Variants in KCNK18 observed in about 807,000 individuals in gnomAD.
KCNK18 encodes potassium two pore domain channel subfamily K member 18, also known as potassium channel subfamily K member 18.
Under a neutral mutation model 11.8 loss-of-function variants are expected in KCNK18, and 8 were observed. That is an observed-to-expected ratio of 0.68 (90% CI 0.40 to 1.22). KCNK18 has a LOEUF of 1.22. Among genes scored for constraint, KCNK18 ranks in the 50% most tolerant of loss-of-function variants. KCNK18 has a pLI of 0.01. For synonymous variants in KCNK18, 208 were observed against 185.8 expected, an observed-to-expected ratio of 1.12 and a Z score of -0.97; for missense variants, 442 against 465.4, an observed-to-expected ratio of 0.95 and a Z score of 0.46.
chr10:117,200,220 G>A (rs1554947835), intron 1 of KCNK18, among the ~76,000 whole-genome samples: 1 of 152,136 alleles, frequency 6.6e-6, no homozygotes, highest in Non-Finnish European at 1.5e-5. Context: ...TGGGACCACA[G>A]GTGTGTGCCA....
chr10:117,199,093 G>A (rs182838952), intron 1 of KCNK18, among the ~76,000 whole-genome samples: 57 of 152,316 alleles, frequency 3.7e-4, no homozygotes, highest in Admixed American at 8.5e-4. Context: ...CAAGGTGGGA[G>A]AATCATTTGA....
At position 117,209,985 on chromosome 10, in the gene KCNK18, A is replaced by C; in HGVS notation, c.841A>C (p.Ile281Leu). ...EVGQQVERLD[I>L]PLPIIALIVF... is the part of the protein sequence containing the mutation. ...TGGACAGCAGGTGGAGAGGTTGGACATCCCCCTCCCCATCATTGCCCTTAT... is the reference window on the plus strand; with the variant it reads ...TGGACAGCAGGTGGAGAGGTTGGACCTCCCCCTCCCCATCATTGCCCTTAT... Residue 281 changes from isoleucine (I) to leucine (L), a missense_variant, in exon 3 of 3, where the codon ATC becomes CTC. By Grantham distance (5) the Ile-to-Leu change is conservative. Coordinates refer to ENST00000334549, the MANE Select transcript of KCNK18 (RefSeq NM_181840.1). The C allele has an allele frequency of 6.2e-7, 1 of 1,613,792 alleles. No individual in the cohort carries two copies. Among genetic ancestry groups the C allele is most frequent in the Non-Finnish European group, 8.5e-7 (1 of 1,179,656 alleles).
At chr10:117,202,592 C>T (rs363357) in intron 2 of KCNK18, among the ~76,000 whole-genome samples, 19,138 of 152,154 alleles carry the variant, frequency 0.13, 1,519 homozygotes, top group East Asian at 0.24. Flanking sequence ...GAAAGGGCTG[C>T]TGTCTCTCTG....
chr10:117,201,774 G>A (rs1043945527), intron 2 of KCNK18, among the ~76,000 whole-genome samples: 6 of 152,268 alleles, frequency 3.9e-5, no homozygotes, highest in Non-Finnish European at 8.8e-5. Context: ...GGAGGGCAGA[G>A]AATGATCAGG....
chr10:117,202,126 C>T (rs1855020259), intron 2 of KCNK18, among the ~76,000 whole-genome samples: 1 of 152,208 alleles, frequency 6.6e-6, no homozygotes, highest in Admixed American at 6.5e-5. Context: ...GAGCAAGTGC[C>T]CATCCCTAGG....
At position 117,209,638 on chromosome 10, in the gene KCNK18, G is replaced by A. The variant is rs754933928; in HGVS notation, c.494G>A (p.Arg165Gln). Reference sequence around the variant, plus strand: ...ACCATCTTATCTACATCTTATAATCGGTTCCGAAAATTCCCTTTCTTTACC... The same window carrying A: ...ACCATCTTATCTACATCTTATAATCAGTTCCGAAAATTCCCTTTCTTTACC... ...LATILSTSYN[R>Q]FRKFPFFTRP... The change falls in exon 3 of 3, where the codon CGG becomes CAG. Residue 165 changes from arginine (R) to glutamine (Q), a missense_variant. Arg to Gln is a conservative substitution (Grantham distance 43, BLOSUM62 1). Transcript: ENST00000334549. The A allele has an allele frequency of 3.2e-5, 51 of 1,613,868 alleles. No individual in the cohort carries two copies. Among genetic ancestry groups the A allele is most frequent in the African/African-American group, 4.0e-5 (3 of 74,842 alleles).
intron 1 of KCNK18, among the ~76,000 whole-genome samples, chr10:117,200,128 G>T (rs922454504): frequency 1.3e-5 from 2 of 152,070 alleles, no homozygotes; most frequent in Admixed American, 6.5e-5. Flanking sequence ...CTCAGGCTGG[G>T]ATGCAGTGGC....
chr10:117,204,124 T>A (rs1021062903), intron 2 of KCNK18, among the ~76,000 whole-genome samples: 3 of 151,842 alleles, frequency 2.0e-5, no homozygotes, highest in African/African-American at 7.3e-5. Flanking sequence ...CAGCTGGGCG[T>A]GGTGACGTGC....
chr10:117,209,959 T>C lies in KCNK18; in HGVS notation c.815T>C (p.Val272Ala), dbSNP rs141547760. Reference sequence around the variant, plus strand: ...TCCATCATCAGCAACCTGGATGAAGTTGGACAGCAGGTGGAGAGGTTGGAC... The same window carrying C: ...TCCATCATCAGCAACCTGGATGAAGCTGGACAGCAGGTGGAGAGGTTGGAC... Reference protein sequence around the residue: ...SYSIISNLDEVGQQVERLDIP... With the variant: ...SYSIISNLDEAGQQVERLDIP... The change falls in exon 3 of 3, where the codon GTT becomes GCT. Residue 272 changes from valine to alanine, a missense_variant. Coordinates refer to ENST00000334549, the MANE Select transcript of KCNK18 (RefSeq NM_181840.1). 1.9e-5 allele frequency: 30 copies of C among 1,614,210 alleles called. No homozygotes were observed. The African/African-American group carries it at 3.6e-4, about 19-fold the overall frequency.
chr10:117,209,213 T>C (rs1027273337), intron 2 of KCNK18, among the ~76,000 whole-genome samples: 2 of 152,102 alleles, frequency 1.3e-5, no homozygotes, highest in South Asian at 2.1e-4. Flanking sequence ...AGGCAATCTG[T>C]TCACCCCAAA....
Position 117,201,167 on chromosome 10 carries a change from G to A in KCNK18, c.232G>A (p.Asp78Asn), listed in dbSNP as rs778162039. The stretch of plus-strand genomic sequence containing the variant: ...GTCATGTCTTTCTCCAGTGGTGGAA[G>A]ACAGAAAACAGGATCTCCAGGGGCA... ...ILNCSETVVEDRKQDLQGHLQ... is the reference protein window; with the variant it reads ...ILNCSETVVENRKQDLQGHLQ... The change falls in exon 2 of 3, where the codon GAC (aspartate) becomes AAC (asparagine). Residue 78 changes from aspartate (D) to asparagine (N), a missense_variant. Physicochemically the swap from Asp to Asn is conservative, Grantham distance 23 (BLOSUM62 1). Transcript: ENST00000334549. 1.2e-6 allele frequency: 2 copies of A among 1,614,212 alleles called. No individual in the cohort carries two copies. The highest frequency in any genetic ancestry group is 1.7e-5 in the Admixed American group (1 of 60,028).
chr10:117,198,385 C>A (rs1009248902), intron 1 of KCNK18, among the ~76,000 whole-genome samples: 1 of 151,956 alleles, frequency 6.6e-6, no homozygotes, highest in Non-Finnish European at 1.5e-5. Context: ...TCTCAGTCTG[C>A]GGGAGAGAAG....
intron 2 of KCNK18, among the ~76,000 whole-genome samples, chr10:117,207,851 C>A (rs1462463663): frequency 1.3e-5 from 2 of 152,208 alleles, no homozygotes; most frequent in Non-Finnish European, 2.9e-5. Context: ...CATAATTGGG[C>A]TGGGTTTTTC....
rs1183073727 is a variant in KCNK18, at chr10:117,201,156, C to T, written c.224-3C>T. 1.2e-6 allele frequency: 2 copies of T among 1,614,156 alleles called. No individual in the cohort carries two copies. The highest frequency in any genetic ancestry group is 1.7e-6 in the Non-Finnish European group (2 of 1,180,030). ...TCAAACTCTTGGTCATGTCTTTCTC[C>T]AGTGGTGGAAGACAGAAAACAGGAT... is the stretch of plus-strand genomic sequence containing the variant. On this transcript the variant is annotated splice_region_variant and splice_polypyrimidine_tract_variant and intron_variant, in intron 1 of 2. Transcript: ENST00000334549.
chr10:117,209,727 G>A lies in KCNK18; in HGVS notation c.583G>A (p.Ala195Thr), dbSNP rs777473803. The A allele has an allele frequency of 9.8e-5, 158 of 1,613,800 alleles. No homozygotes were observed. Among genetic ancestry groups the A allele is most frequent in the Non-Finnish European group, 1.2e-4 (138 of 1,179,994 alleles). The change falls in exon 3 of 3, where the codon GCA becomes ACA. Residue 195 changes from alanine to threonine, a missense_variant. Transcript: ENST00000334549. The part of the protein sequence containing the change: ...LFKKKPDPKP[A>T]DEAVPQIIIS... Reference sequence around the variant, plus strand: ...CAAGAAAAAACCGGACCCCAAGCCCGCAGATGAAGCTGTCCCTCAGATCAT... The same window carrying A: ...CAAGAAAAAACCGGACCCCAAGCCCACAGATGAAGCTGTCCCTCAGATCAT...
Position 117,200,942 on chromosome 10 carries a change from G to A in KCNK18, c.224-217G>A, listed in dbSNP as rs73387821. On this transcript the variant is annotated intron_variant, in intron 1 of 2. Coordinates refer to ENST00000334549, the MANE Select transcript of KCNK18 (RefSeq NM_181840.1). ...CTCTGTTAGGTGCTCTTCTCACAGG[G>A]CTAAGTGGCCTCCTTATCTCCATAG... 2.8e-3 allele frequency among the ~76,000 whole-genome samples: 424 copies of A among 152,350 alleles called. 2 individuals are homozygous for A. The highest frequency in any genetic ancestry group is 9.7e-3 in the African/African-American group (402 of 41,576).
chr10:117,203,566 G>A (rs1033329556), intron 2 of KCNK18, among the ~76,000 whole-genome samples: 2 of 152,196 alleles, frequency 1.3e-5, no homozygotes, highest in African/African-American at 4.8e-5. Flanking sequence ...TTGAGACAGA[G>A]TCTTGCTCTG....
chr10:117,201,478 G>A (rs1855013643), intron 2 of KCNK18, among the ~76,000 whole-genome samples, 191 bp downstream of exon 2: 1 of 152,148 alleles, frequency 6.6e-6, no homozygotes, highest in Non-Finnish European at 1.5e-5. Context: ...CACTGAAGAT[G>A]CACCAGGCCC....
chr10:117,209,713 C>T lies in KCNK18; in HGVS notation c.569C>T (p.Pro190Leu), dbSNP rs376977754. The T allele has an allele frequency of 2.6e-5, 42 of 1,614,004 alleles. No individual in the cohort carries two copies. The highest frequency in any genetic ancestry group is 2.9e-5 in the Non-Finnish European group (34 of 1,180,044). ...CCCAAATCTCTCTTCAAGAAAAAAC[C>T]GGACCCCAAGCCCGCAGATGAAGCT... Reference protein sequence around the residue: ...WCPKSLFKKKPDPKPADEAVP... With the variant: ...WCPKSLFKKKLDPKPADEAVP... The change falls in exon 3 of 3, where the codon CCG becomes CTG. Residue 190 changes from proline (P) to leucine (L), a missense_variant. Physicochemically the swap from Pro to Leu is moderately conservative, Grantham distance 98 (BLOSUM62 -3). Transcript: ENST00000334549.
Sources: gnomAD v4.1 joint callset for allele counts (sites outside exome capture counted in the v4.1 genomes callset) on GRCh38, gnomAD v4.1.1 for gene constraint, MANE v1.5 for transcripts, NCBI Gene and HGNC (gene_info 2026-07-23, HGNC 2026-07-21) for gene names.